The following CSNK1G3 variants were observed in gnomAD, a reference collection of about 807,000 sequenced individuals.
CSNK1G3 encodes the protein casein kinase 1 gamma 3, also known as casein kinase I isoform gamma-3.
Under a neutral mutation model 64.3 loss-of-function variants are expected in CSNK1G3, and 23 were observed. The ratio of observed to expected loss-of-function variants is 0.36; its 90% confidence interval spans 0.26 to 0.51. The LOEUF (loss-of-function observed/expected upper bound fraction) is 0.51, where lower values mean the gene tolerates loss of function less well. Among genes scored for constraint, CSNK1G3 ranks in the 20% least tolerant of loss-of-function variants. The pLI is 0.96. For synonymous variants in CSNK1G3, 158 were observed against 162.2 expected (o/e 0.97, Z 0.20); for missense variants, 357 against 510.5 (o/e 0.70, Z 2.90).
intron 12 of CSNK1G3, among the ~76,000 whole-genome samples, chr5:123,612,995 A>C (rs998495632): frequency 6.6e-6 from 1 of 152,154 alleles, no homozygotes. Context: ...GCCTGCGCCA[A>C]AAGTAAATTC....
At chr5:123,527,717 A>T (rs1039555882) in intron 1 of CSNK1G3, among the ~76,000 whole-genome samples, 6 of 152,212 alleles carry the variant, frequency 3.9e-5, no homozygotes, top group African/African-American at 1.4e-4. Flanking sequence ...ACCATGTGTG[A>T]TACAACCACT....
In CSNK1G3 at chr5:123,560,008, A is replaced by G. The variant is rs563416821; in HGVS notation, c.289+2444A>G. On this transcript the variant is annotated intron_variant, in intron 4 of 12. Coordinates refer to ENST00000345990, the Ensembl canonical transcript of CSNK1G3. ...TTTAAGTAATATCCAGCATATATAAAGAACTTCTAAAACTCACCAACAAAA... is the reference window on the plus strand; with the variant it reads ...TTTAAGTAATATCCAGCATATATAAGGAACTTCTAAAACTCACCAACAAAA... 4.6e-5 allele frequency among the ~76,000 whole-genome samples: 7 copies of G among 152,272 alleles called. No individual in the cohort carries two copies. The South Asian group carries it at 8.3e-4, about 18-fold the overall frequency.
In CSNK1G3 at chr5:123,604,850, G is replaced by A; in HGVS notation, c.1193+20G>A. 3.9e-6 allele frequency: 6 copies of A among 1,534,472 alleles called. No homozygotes were observed. Among genetic ancestry groups the A allele is most frequent in the African/African-American group, 1.4e-5 (1 of 72,580 alleles). Reference sequence around the variant, plus strand: ...AACCAAGTATGTGTTTGTTTTACTTGTTTTAGTAACTTTTTGTTCTTAAAT... The same window carrying A: ...AACCAAGTATGTGTTTGTTTTACTTATTTTAGTAACTTTTTGTTCTTAAAT... On this transcript the variant is annotated intron_variant, in intron 11 of 12. Coordinates refer to ENST00000345990, the Ensembl canonical transcript of CSNK1G3.
intron 1 of CSNK1G3, among the ~76,000 whole-genome samples, chr5:123,541,469 C>G (rs752767636): frequency 8.5e-5 from 13 of 152,212 alleles, no homozygotes; most frequent in Non-Finnish European, 1.8e-4. Context: ...CATTCTGCTG[C>G]CCAGGCTGGA....
chr5:123,600,479 G>A (rs1448285380), intron 10 of CSNK1G3, among the ~76,000 whole-genome samples: 1 of 151,944 alleles, frequency 6.6e-6, no homozygotes, highest in Non-Finnish European at 1.5e-5. Flanking sequence ...ACAAAAATTA[G>A]CCAGGCATGG....
chr5:123,586,522 G>A (rs946307384), intron 6 of CSNK1G3, among the ~76,000 whole-genome samples: 2 of 151,884 alleles, frequency 1.3e-5, no homozygotes, highest in Non-Finnish European at 2.9e-5. Flanking sequence ...ATTTTTAATA[G>A]CATATACTTA....
At chr5:123,559,935 A>G (rs1213295447) in intron 4 of CSNK1G3, among the ~76,000 whole-genome samples, 1 of 152,136 alleles carries the variant, frequency 6.6e-6, no homozygotes, top group African/African-American at 2.4e-5. Context: ...GCTGAATTTC[A>G]TTTATATAGC....
At chr5:123,578,113 G>A (rs1360991342) in intron 6 of CSNK1G3, among the ~76,000 whole-genome samples, 2 of 151,828 alleles carry the variant, frequency 1.3e-5, no homozygotes, top group African/African-American at 4.8e-5. Flanking sequence ...AATGTTGATG[G>A]ATATTTGGAT....
chr5:123,512,387 C>T (rs902894191), exon 1 of CSNK1G3: 5 of 152,230 alleles, frequency 3.3e-5, no homozygotes, highest in African/African-American at 1.2e-4. Context: ...TGCGTTACCT[C>T]TCTCTCTCGC....
At position 123,548,838 on chromosome 5, in the gene CSNK1G3, A is replaced by G. The variant is rs147844476; in HGVS notation, c.178+2997A>G. Among the ~76,000 whole-genome samples, 15 of 152,340 alleles carry G rather than the reference A, an allele frequency of 9.8e-5. No homozygotes were observed. In the South Asian group the frequency reaches 2.5e-3, roughly 25 times the overall value. ...TAAGCCCATCTTAAGTTGAAATATC[A>G]TAAGTTGAAAATGGGCATTTTATAG... On this transcript the variant is annotated intron_variant, in intron 2 of 12. Transcript: ENST00000345990.
intron 4 of CSNK1G3, among the ~76,000 whole-genome samples, chr5:123,565,609 A>G (rs1260110735): frequency 6.6e-6 from 1 of 152,196 alleles, no homozygotes; most frequent in Non-Finnish European, 1.5e-5. Context: ...GTTGCTATAA[A>G]GAAATGCTGG....
At chr5:123,565,501 T>C (rs1786684883) in intron 4 of CSNK1G3, among the ~76,000 whole-genome samples, 1 of 152,254 alleles carries the variant, frequency 6.6e-6, no homozygotes, top group Non-Finnish European at 1.5e-5. Context: ...GTTTTCTTAA[T>C]CAGAGCTGTT....
At chr5:123,553,135 G>T in exon 3 of CSNK1G3, 2 of 1,402,820 alleles carry the variant, frequency 1.4e-6, no homozygotes, top group Admixed American at 2.4e-5. Context: ...ATGAATATGT[G>T]GCAATTAAGT....
At chr5:123,587,880 A>G (rs1165681786) in intron 6 of CSNK1G3, among the ~76,000 whole-genome samples, 188 bp from the exon 7 acceptor site, 7 of 152,188 alleles carry the variant, frequency 4.6e-5, no homozygotes, top group Non-Finnish European at 7.4e-5. Flanking sequence ...AAGATGCTCA[A>G]TAATCTTAAT....
chr5:123,546,028 G>C, intron 2 of CSNK1G3, 187 bp downstream of exon 2: 2 of 556,152 alleles, frequency 3.6e-6, no homozygotes, highest in South Asian at 5.0e-5. Flanking sequence ...CCTAGTATAG[G>C]AGTGTCTACT....
At chr5:123,526,261 T>C (rs1779051859) in intron 1 of CSNK1G3, among the ~76,000 whole-genome samples, 1 of 152,048 alleles carries the variant, frequency 6.6e-6, no homozygotes, top group Non-Finnish European at 1.5e-5. Context: ...TCTTGGTATA[T>C]TGCCCAGGCT....
At chr5:123,532,040 G>A (rs1185836884) in intron 1 of CSNK1G3, among the ~76,000 whole-genome samples, 3 of 151,706 alleles carry the variant, frequency 2.0e-5, no homozygotes, top group Admixed American at 2.0e-4. Context: ...GCATCTGCAG[G>A]TATAATACAA....
chr5:123,614,572 T>C (rs976525738), exon 13 of CSNK1G3: 9 of 507,496 alleles, frequency 1.8e-5, no homozygotes, highest in African/African-American at 6.0e-5. Context: ...TTTTTTTTTT[T>C]TCTCTAATTT....
exon 3 of CSNK1G3, chr5:123,553,120 C>T (rs79434345): frequency 3.9e-5 from 54 of 1,394,996 alleles, no homozygotes; most frequent in Middle Eastern, 3.7e-4. Flanking sequence ...AAAATTTATA[C>T]ACAAATGAAT....
Sources: allele counts gnomAD v4.1 joint callset (sites outside exome capture counted in the v4.1 genomes callset), GRCh38; gene constraint gnomAD v4.1.1; transcripts MANE v1.5; gene names NCBI Gene and HGNC (gene_info 2026-07-23, HGNC 2026-07-21).